ERICH2: variants seen among roughly 807,000 people sequenced by gnomAD.
ERICH2 encodes the protein glutamate-rich protein 2.
A neutral mutation model predicts 17.4 loss-of-function variants in ERICH2; 17 were observed. The observed-to-expected ratio is 0.98, with a 90% CI of 0.67 to 1.47. The LOEUF (loss-of-function observed/expected upper bound fraction) is 1.47. Among genes scored for constraint, ERICH2 ranks in the 40% most tolerant of loss-of-function variants. The pLI, the probability that ERICH2 is intolerant of heterozygous loss-of-function variation, is 0.00. For missense variants in ERICH2, 186 were observed against 183.2 expected (o/e 1.01, Z -0.09); for synonymous variants, 51 against 61.1 (o/e 0.83, Z 0.77).
At chr2:170,777,995 T>A in the ERICH2 span, 197 of 259,128 alleles carry the variant, frequency 7.6e-4, 2 homozygotes, top group Middle Eastern at 7.0e-3. Context: ...CTTTGATACT[T>A]ATTTCTTTCA....
chr2:170,798,744 A>G, intron 4 of ERICH2, 26 bp from the exon 10 acceptor site: 1 of 1,550,282 alleles, frequency 6.5e-7, no homozygotes, highest in South Asian at 1.2e-5. Context: ...AAACACCTTA[A>G]GCAATCCTCT....
chr2:170,778,323 A>C, the ERICH2 span, among the ~76,000 whole-genome samples: 1 of 152,184 alleles, frequency 6.6e-6, no homozygotes, highest in Non-Finnish European at 1.5e-5. Context: ...TTACAGCTTG[A>C]AAGTTGATCA....
intron 2 of ERICH2, among the ~76,000 whole-genome samples, chr2:170,786,016 G>A (rs1439132477): frequency 6.6e-6 from 1 of 151,686 alleles, no homozygotes; most frequent in East Asian, 1.9e-4. Context: ...TATGTTGTAA[G>A]CCCTTCAATA....
chr2:170,780,620 A>G (rs1253280732), upstream of ERICH2, among the ~76,000 whole-genome samples: 2 of 152,226 alleles, frequency 1.3e-5, no homozygotes, highest in East Asian at 3.8e-4. Context: ...GTGAATATAT[A>G]AGTGCCATAT....
At chr2:170,786,087 T>G (rs1701154291) in intron 2 of ERICH2, among the ~76,000 whole-genome samples, 1 of 151,972 alleles carries the variant, frequency 6.6e-6, no homozygotes, top group Admixed American at 6.6e-5. Flanking sequence ...TTTTCAAATG[T>G]CCTTTATATT....
chr2:170,777,330 T>C, the ERICH2 span: 1 of 781,836 alleles, frequency 1.3e-6, no homozygotes, highest in African/African-American at 1.8e-5. Flanking sequence ...TTCAAATATC[T>C]CAAACTAAAA....
the ERICH2 span, chr2:170,771,144 G>C: frequency 6.5e-6 from 1 of 154,712 alleles, no homozygotes; most frequent in Non-Finnish European, 1.5e-5. The surrounding 1 kb of genome is among the most constrained non-coding windows in gnomAD (Gnocchi z 4.8). Flanking sequence ...GCTGGCTCTC[G>C]GTGTGTGCCC....
the ERICH2 span, among the ~76,000 whole-genome samples, chr2:170,771,670 T>A: frequency 1.3e-5 from 2 of 152,250 alleles, no homozygotes; most frequent in Non-Finnish European, 2.9e-5. This position sits in a 1 kb window ranked among gnomAD's most constrained non-coding sequence, Gnocchi z 4.8. Context: ...TAGCTAGATA[T>A]AACTTGCTAG....
intron 3 of ERICH2, among the ~76,000 whole-genome samples, chr2:170,796,452 T>TTTTTTTTTTTTTTTTTC (rs373654461): frequency 7.2e-6 from 1 of 138,332 alleles, no homozygotes; most frequent in Non-Finnish European, 1.6e-5. Flanking sequence ...TTTTTTTTTT[T>TTTTTTTTTTTTTTTTTC]TGAGACAGCG....
intron 3 of ERICH2, among the ~76,000 whole-genome samples, 172 bp downstream of exon 8, chr2:170,793,092 T>C (rs1376949077): frequency 6.6e-6 from 1 of 152,272 alleles, no homozygotes; most frequent in African/African-American, 2.4e-5. Flanking sequence ...TTTAGATCTC[T>C]AGAGTACATT....
At chr2:170,780,279 C>G (rs944444184), upstream of ERICH2, among the ~76,000 whole-genome samples, 1 of 152,092 alleles carries the variant, frequency 6.6e-6, no homozygotes, top group African/African-American at 2.4e-5. Context: ...TAAATAACAT[C>G]ACTTTCTCAA....
chr2:170,789,690 A>G (rs1252875949), intron 2 of ERICH2, among the ~76,000 whole-genome samples: 2 of 152,350 alleles, frequency 1.3e-5, no homozygotes, highest in East Asian at 3.8e-4. Context: ...TAAAGGAAAT[A>G]TATTTTATGC....
At chr2:170,795,464 C>T (rs910711804) in intron 3 of ERICH2, among the ~76,000 whole-genome samples, 2 of 152,288 alleles carry the variant, frequency 1.3e-5, no homozygotes, top group African/African-American at 2.4e-5. Flanking sequence ...CCTACCACCT[C>T]GGCCTCTCAA....
chr2:170,798,408 C>G (rs1296032675), intron 4 of ERICH2, among the ~76,000 whole-genome samples: 1 of 152,090 alleles, frequency 6.6e-6, no homozygotes, highest in Non-Finnish European at 1.5e-5. Context: ...ACCCACAATT[C>G]CAAGGGAAGC....
chr2:170,786,483 G>A (rs538537627), intron 2 of ERICH2, among the ~76,000 whole-genome samples: 4 of 151,858 alleles, frequency 2.6e-5, no homozygotes, highest in Non-Finnish European at 5.9e-5. Flanking sequence ...CCTAGGTGTG[G>A]TTTTCCTCAT....
At chr2:170,770,880 C>T in the ERICH2 span, 2 of 147,900 alleles carry the variant, frequency 1.4e-5, no homozygotes, top group South Asian at 1.9e-4. Flanking sequence ...GCCCCGGGCC[C>T]TCCTCGCCGC....
At chr2:170,797,268 C>T (rs1701448254) in intron 3 of ERICH2, among the ~76,000 whole-genome samples, 2 of 152,182 alleles carry the variant, frequency 1.3e-5, no homozygotes, top group African/African-American at 2.4e-5. Flanking sequence ...CAAAAACTTC[C>T]TCTGTGTTCC....
intron 2 of ERICH2, among the ~76,000 whole-genome samples, chr2:170,787,701 C>G (rs930880368): frequency 6.6e-6 from 1 of 152,188 alleles, no homozygotes; most frequent in African/African-American, 2.4e-5. Flanking sequence ...AAAATTATAG[C>G]CACCTTGGCT....
intron 3 of ERICH2, among the ~76,000 whole-genome samples, chr2:170,795,424 T>C (rs747733316): frequency 1.3e-5 from 2 of 152,202 alleles, no homozygotes; most frequent in Admixed American, 6.5e-5. Flanking sequence ...CACAGCTCAC[T>C]TCAGCCTTGA....
Sources: allele counts gnomAD v4.1 joint callset (sites outside exome capture counted in the v4.1 genomes callset), GRCh38; gene constraint gnomAD v4.1.1; non-coding constraint Gnocchi (gnomAD v3.1); transcripts MANE v1.5; gene names NCBI Gene and HGNC (gene_info 2026-07-23, HGNC 2026-07-21).